The following KAZN variants were observed in gnomAD, a reference collection of about 807,000 sequenced individuals.
KAZN encodes kazrin.
A neutral mutation model predicts 87.4 loss-of-function variants in KAZN; 40 were observed. The ratio of observed to expected loss-of-function variants is 0.46; its 90% CI spans 0.36 to 0.60. The LOEUF (loss-of-function observed/expected upper bound fraction) is 0.60, where lower values mean the gene tolerates loss of function less well. Ranked by LOEUF, KAZN falls within the 20% of genes least tolerant of loss-of-function variation. KAZN has a pLI of 0.00. For synonymous variants in KAZN, 466 were observed against 458.3 expected, an observed-to-expected ratio of 1.02 and a Z score of -0.22; for missense variants, 898 against 1,073.9, an observed-to-expected ratio of 0.84 and a Z score of 2.29.
intron 1 of KAZN, among the ~76,000 whole-genome samples, chr1:14,661,761 TAAA>T (rs1270018797): frequency 6.6e-6 from 1 of 151,940 alleles, no homozygotes; most frequent in African/African-American, 2.4e-5. Flanking sequence ...ACTGAAAATG[TAAA>T]AATTAGCTGA....
intron 1 of KAZN, among the ~76,000 whole-genome samples, chr1:14,016,195 G>A (rs1640563423): frequency 6.6e-6 from 1 of 152,104 alleles, no homozygotes; most frequent in African/African-American, 2.4e-5. Flanking sequence ...AAAGCCTGGT[G>A]TTAAATAAAA....
chr1:14,338,502 A>G (rs915602735), intron 2 of KAZN, among the ~76,000 whole-genome samples: 6 of 141,592 alleles, frequency 4.2e-5, no homozygotes, highest in African/African-American at 1.6e-4. Context: ...AAAAAAAAAA[A>G]AAAGAGAGAG....
chr1:14,355,566 G>T (rs2100958932), intron 2 of KAZN, among the ~76,000 whole-genome samples: 1 of 152,232 alleles, frequency 6.6e-6, no homozygotes, highest in Middle Eastern at 3.4e-3. Context: ...TTCTCCTAAT[G>T]CTGTCCATCC....
intron 1 of KAZN, among the ~76,000 whole-genome samples, chr1:14,107,615 C>T (rs868614710): frequency 6.6e-6 from 1 of 152,144 alleles, no homozygotes; most frequent in African/African-American, 2.4e-5. Context: ...ACAAGGCCAC[C>T]TCGGTTGAGC....
chr1:14,512,909 A>G (rs944173216), intron 2 of KAZN, among the ~76,000 whole-genome samples: 2 of 152,206 alleles, frequency 1.3e-5, no homozygotes, highest in African/African-American at 2.4e-5. Flanking sequence ...TCTCCTGCTG[A>G]GAGAAGTAGC....
chr1:15,003,389 T>C (rs1022477169), intron 2 of KAZN, among the ~76,000 whole-genome samples: 10 of 152,190 alleles, frequency 6.6e-5, no homozygotes, highest in African/African-American at 2.4e-4. Flanking sequence ...GGGCCATGAA[T>C]AGATTCATTA....
At chr1:15,024,608 T>C (rs887248973) in intron 2 of KAZN, among the ~76,000 whole-genome samples, 2 of 152,102 alleles carry the variant, frequency 1.3e-5, no homozygotes, top group Non-Finnish European at 2.9e-5. Context: ...GAGGCCTCAG[T>C]TTCCAGCGGA....
intron 1 of KAZN, among the ~76,000 whole-genome samples, chr1:14,871,713 G>A (rs181018091): frequency 9.3e-4 from 140 of 150,930 alleles, no homozygotes; most frequent in African/African-American, 3.3e-3. Context: ...GATGCTGTGT[G>A]GTGTTAATTC....
chr1:14,786,841 T>C (rs903442303), intron 1 of KAZN, among the ~76,000 whole-genome samples: 2 of 152,202 alleles, frequency 1.3e-5, no homozygotes. Context: ...ATTGTTACTA[T>C]GTGGAAATAT....
At chr1:14,185,169 T>G (rs560700966) in intron 2 of KAZN, among the ~76,000 whole-genome samples, 1 of 152,306 alleles carries the variant, frequency 6.6e-6, no homozygotes, top group East Asian at 1.9e-4. Flanking sequence ...ATGTGGGTTT[T>G]CCTTATCCTC....
intron 1 of KAZN, among the ~76,000 whole-genome samples, chr1:14,000,574 A>T (rs1639739709): frequency 6.6e-6 from 1 of 152,242 alleles, no homozygotes; most frequent in South Asian, 2.1e-4. Flanking sequence ...GCTATTTATG[A>T]CAAACCCACA....
intron 2 of KAZN, among the ~76,000 whole-genome samples, chr1:14,253,992 C>T (rs1399784840): frequency 4.0e-5 from 6 of 151,304 alleles, no homozygotes; most frequent in South Asian, 2.1e-4. Flanking sequence ...TTTTTGGTTT[C>T]GTTTATTTCA....
intron 2 of KAZN, among the ~76,000 whole-genome samples, chr1:14,446,561 TG>T (rs1224490721): frequency 6.6e-6 from 1 of 152,226 alleles, no homozygotes; most frequent in Non-Finnish European, 1.5e-5. Context: ...AGCTAAACCA[TG>T]GAGGCTAGGG....
At chr1:14,328,312 C>T (rs1656587541) in intron 2 of KAZN, among the ~76,000 whole-genome samples, 1 of 152,204 alleles carries the variant, frequency 6.6e-6, no homozygotes, top group South Asian at 2.1e-4. Flanking sequence ...CCATTTTCCT[C>T]TGCATAGCTT....
chr1:14,521,724 G>A (rs1482319662), intron 2 of KAZN, among the ~76,000 whole-genome samples: 2 of 152,114 alleles, frequency 1.3e-5, no homozygotes, highest in African/African-American at 4.8e-5. Context: ...TTTTAGAATC[G>A]TCTCTTTTCT....
intron 1 of KAZN, among the ~76,000 whole-genome samples, chr1:14,904,879 C>A (rs1656335467): frequency 6.6e-6 from 1 of 152,080 alleles, no homozygotes; most frequent in African/African-American, 2.4e-5. Context: ...CTCCTGCCTC[C>A]GCCTCCCAAG....
In KAZN at chr1:14,856,884, G is replaced by A. The variant is rs1650181655; in HGVS notation, c.227-103800G>A. On this transcript the variant is annotated intron_variant, in intron 1 of 14. Coordinates refer to ENST00000376030, the MANE Select transcript of KAZN (RefSeq NM_201628.3). The surrounding 1 kb of genome is among the most constrained non-coding windows in gnomAD (Gnocchi z 5.2). Reference sequence around the variant, plus strand: ...CTTCTCCTTGGGAGGTGTGTGAATTGGAGTTGCTTAATTAAGCAGAGGAAG... The same window carrying A: ...CTTCTCCTTGGGAGGTGTGTGAATTAGAGTTGCTTAATTAAGCAGAGGAAG... 6.6e-6 allele frequency among the ~76,000 whole-genome samples: 1 copy of A among 152,112 alleles called. No individual in the cohort carries two copies. The highest frequency in any genetic ancestry group is 2.4e-5 in the African/African-American group (1 of 41,416).
intron 1 of KAZN, among the ~76,000 whole-genome samples, chr1:14,826,909 T>C (rs1193343919): frequency 1.3e-5 from 2 of 152,168 alleles, no homozygotes; most frequent in Non-Finnish European, 2.9e-5. Flanking sequence ...CCAAATGGGG[T>C]TCAGATCCTG....
intron 1 of KAZN, among the ~76,000 whole-genome samples, chr1:14,036,327 G>A (rs1297969900): frequency 6.6e-6 from 1 of 152,198 alleles, no homozygotes; most frequent in East Asian, 1.9e-4. Flanking sequence ...GCCAAATCAT[G>A]TGGCTGTTCA....
Sources: gnomAD v4.1 joint callset for allele counts (sites outside exome capture counted in the v4.1 genomes callset) on GRCh38, gnomAD v4.1.1 for gene constraint, Gnocchi (gnomAD v3.1) non-coding constraint, MANE v1.5 for transcripts, NCBI Gene and HGNC (gene_info 2026-07-23, HGNC 2026-07-21) for gene names.